F12: variants seen among roughly 807,000 people sequenced by gnomAD.
The protein encoded by F12 is Hageman factor.
In F12, 70 loss-of-function variants were observed where a neutral mutation model predicts 74.8. The ratio of observed to expected loss-of-function variants is 0.94; its 90% CI spans 0.77 to 1.14. F12 has a LOEUF of 1.14. Ranked by LOEUF, F12 falls within the 50% of genes most tolerant of loss-of-function variation. The probability of loss-of-function intolerance (pLI) is 0.00; values close to 1 mark genes in which losing one functional copy is unlikely to be tolerated. For synonymous variants in F12, 373 were observed against 356.4 expected (o/e 1.05, Z -0.52); for missense variants, 811 against 835.7 (o/e 0.97, Z 0.36).
intron 10 of F12, 39 bp from the exon 11 acceptor site, chr5:177,403,656 T>G: frequency 6.3e-7 from 1 of 1,588,884 alleles, no homozygotes; most frequent in South Asian, 1.1e-5. Flanking sequence ...CTCTCAGACC[T>G]GGCCACAAGC....
At chr5:177,403,818 G>A (rs1220023055) in intron 10 of F12, 41 bp downstream of exon 10, 3 of 1,475,142 alleles carry the variant, frequency 2.0e-6, no homozygotes, top group Non-Finnish European at 2.7e-6. Context: ...AGACGGAGGA[G>A]CCGCGGCCCC....
rs562659107 is a variant in F12, at chr5:177,407,030, C to T, written c.116-969G>A. On this transcript the variant is annotated intron_variant, in intron 2 of 13. Transcript: ENST00000253496. ...CCTCCTGCTGAAGAGCTGTGTAGTTCCTAAGCACAAGAAGGCTACCTTAGG... is the reference window on the plus strand; with the variant it reads ...CCTCCTGCTGAAGAGCTGTGTAGTTTCTAAGCACAAGAAGGCTACCTTAGG... Among the ~76,000 whole-genome samples the T allele has an allele frequency of 2.0e-5, 3 of 152,278 alleles. No homozygotes were observed. In the East Asian group the frequency reaches 5.8e-4, roughly 29 times the overall value.
intron 4 of F12, 134 bp from the exon 5 acceptor site, chr5:177,405,567 A>G: frequency 8.4e-7 from 1 of 1,190,350 alleles, no homozygotes; most frequent in Non-Finnish European, 1.2e-6. Flanking sequence ...CACCTGCAAA[A>G]TGGGACCACT....
intron 1 of F12, 95 bp from the exon 2 acceptor site, chr5:177,409,198 T>TCTCTGCATTTCTGG: frequency 7.5e-7 from 1 of 1,337,232 alleles, no homozygotes. Context: ...AGCCCAGAAA[T>TCTCTGCATTTCTGG]GCAGAGATTT....
chr5:177,409,218 A>T lies in F12; in HGVS notation c.58-115T>A. The T allele has an allele frequency of 6.7e-6, 8 of 1,189,320 alleles. No homozygotes were observed. The South Asian group carries it at 1.0e-4, about 16-fold the overall frequency. The allele number at this position is 1,189,320 out of a possible 1,614,324, so 73.7% of individuals were successfully genotyped here. A position where few individuals can be genotyped will look rare whatever the true frequency, so the allele number is the denominator to read the frequency against. On this transcript the variant is annotated intron_variant, in intron 1 of 13. Transcript: ENST00000253496. ...AGAAATGCAGAGATTTCTTCCCAAG[A>T]CCCAAACCCTTTCTACCTCCCCCCG...
rs1276865135 is a variant in F12 at position 177,402,699 on chromosome 5, CT to C, written c.1532-2del. Reference sequence around the variant, plus strand: ...AGGAAGCTGGCATATTCCTCCGCCCCTGCGAACACAGAGCGCCTTCTTCACA... The same window carrying C: ...AGGAAGCTGGCATATTCCTCCGCCCCGCGAACACAGAGCGCCTTCTTCACA... On this transcript the variant is annotated splice_acceptor_variant, in intron 12 of 13. Transcript: ENST00000253496. LOFTEE classifies it high-confidence loss of function. The C allele has an allele frequency of 6.2e-7, 1 of 1,611,492 alleles. No individual in the cohort carries two copies. The highest frequency in any genetic ancestry group is 1.1e-5 in the South Asian group (1 of 90,972).
rs1395938951 is a variant in F12, at chr5:177,402,396, C to T, written c.1744G>A (p.Gly582Ser). The T allele has an allele frequency of 3.1e-6, 5 of 1,613,458 alleles. No homozygotes were observed. The East Asian group carries it at 1.1e-4, about 36-fold the overall frequency. The stretch of plus-strand genomic sequence containing the variant: ...CAGCCCGATCCCCAGCTGATGATGC[C>T]TTGCAGGGTGAGCCGGCGCTCTGCA... Reference protein sequence around the residue: ...QAAERRLTLQGIISWGSGCGD... With the variant: ...QAAERRLTLQSIISWGSGCGD... The change falls in exon 14 of 14, where the codon GGC becomes AGC. Residue 582 changes from glycine (G) to serine (S), a missense_variant. By Grantham distance (56) the Gly-to-Ser change is moderately conservative. Coordinates refer to ENST00000253496, the MANE Select transcript of F12 (RefSeq NM_000505.4).
intron 2 of F12, among the ~76,000 whole-genome samples, chr5:177,408,095 G>C (rs949395965): frequency 6.8e-6 from 1 of 148,120 alleles, no homozygotes; most frequent in Non-Finnish European, 1.5e-5. Flanking sequence ...TTGCTGTGTT[G>C]CCCAAGCTGG....
At chr5:177,403,752 G>A (rs2127359595) in intron 10 of F12, 107 bp downstream of exon 10, 6 of 1,467,034 alleles carry the variant, frequency 4.1e-6, no homozygotes, top group Non-Finnish European at 5.5e-6. Context: ...GGAAAGAAGG[G>A]TGGGGCGGGA....
Position 177,405,742 on chromosome 5 carries a change from T to C in F12, c.279A>G (p.Lys93=), listed in dbSNP as rs775270564. 1 of 1,614,140 alleles carries C rather than the reference T, an allele frequency of 6.2e-7. No individual in the cohort carries two copies. The highest frequency in any genetic ancestry group is 8.5e-7 in the Non-Finnish European group (1 of 1,180,022). ...AGAGGCTGTGTGTAGCACCTTTCACTTTCTTGGGCTCCAAACAGTATCCCC... is the reference window on the plus strand; with the variant it reads ...AGAGGCTGTGTGTAGCACCTTTCACCTTCTTGGGCTCCAAACAGTATCCCC... ...QRWGYCLEPK[K]VKDHCSKHSP... is the part of the protein sequence containing the mutation. The change falls in exon 4 of 14, where the codon AAA becomes AAG. Residue 93 remains lysine (K), a synonymous_variant. Transcript: ENST00000253496.
Position 177,405,754 on chromosome 5 carries a change from C to T in F12, c.267G>A (p.Leu89=). The change falls in exon 4 of 14, where the codon TTG becomes TTA. Residue 89 remains leucine, a synonymous_variant. Coordinates refer to ENST00000253496, the MANE Select transcript of F12 (RefSeq NM_000505.4). ...FDQDQRWGYC[L]EPKKVKDHCS... ...TAGCACCTTTCACTTTCTTGGGCTCCAAACAGTATCCCCATCGCTGGTCCT... is the reference window on the plus strand; with the variant it reads ...TAGCACCTTTCACTTTCTTGGGCTCTAAACAGTATCCCCATCGCTGGTCCT... 2.5e-6 allele frequency: 4 copies of T among 1,614,174 alleles called. No homozygotes were observed. Among genetic ancestry groups the T allele is most frequent in the Non-Finnish European group, 3.4e-6 (4 of 1,180,014 alleles).
Position 177,404,333 on chromosome 5 carries a change from T to C in F12, c.881A>G (p.Gln294Arg), listed in dbSNP as rs1184378846. 16 of 1,610,258 alleles carry C rather than the reference T, an allele frequency of 9.9e-6. No individual in the cohort carries two copies. The highest frequency in any genetic ancestry group is 1.2e-5 in the Non-Finnish European group (14 of 1,178,766). Residue 294 changes from glutamine to arginine, a missense_variant, in exon 9 of 14, where the codon CAG (glutamine) becomes CGG (arginine). Transcript: ENST00000253496. ...RLSWEYCDLAQCQTPTQAAPP... is the reference protein window; with the variant it reads ...RLSWEYCDLARCQTPTQAAPP... ...CGCCGCCTGGGTTGGGGTCTGGCAC[T>C]GTGCCAGGTCGCAGTACTCCCAGCT...
In F12 at chr5:177,404,843, G is replaced by A; in HGVS notation, c.601C>T (p.Pro201Ser). 1 of 1,609,838 alleles carries A rather than the reference G, an allele frequency of 6.2e-7. No individual in the cohort carries two copies. The change falls in exon 7 of 14, where the codon CCG (proline) becomes TCG (serine). Residue 201 changes from proline (P) to serine (S), a missense_variant. Pro to Ser is a moderately conservative substitution (Grantham distance 74, BLOSUM62 -1). Transcript: ENST00000253496. ...EVEGHRLCHC[P>S]VGYTGAFCDV... The stretch of plus-strand genomic sequence containing the variant: ...CAGAAGGCTCCGGTGTAGCCCACCG[G>A]GCAGTGGCACAGGCGGTGGCCCTCC...
Position 177,403,980 on chromosome 5 carries a change from G to A in F12, c.1129C>T (p.Leu377=). The A allele has an allele frequency of 1.2e-6, 2 of 1,602,876 alleles. No individual in the cohort carries two copies. The highest frequency in any genetic ancestry group is 1.7e-5 in the Admixed American group (1 of 59,908). ...LSSMTRVVGG[L]VALRGAHPYI... is the part of the protein sequence containing the mutation. ...GGGTGCGCCCCGCGTAGCGCCACCA[G>A]CCCGCCAACGACGCGGGTCATCGAA... The change falls in exon 10 of 14, where the codon CTG becomes TTG. Residue 377 remains leucine (L), a synonymous_variant. Coordinates refer to ENST00000253496, the MANE Select transcript of F12 (RefSeq NM_000505.4).
In F12 at chr5:177,403,403, C is replaced by T. The variant is rs1763191998; in HGVS notation, c.1388-6G>A. 6.3e-7 allele frequency: 1 copy of T among 1,592,382 alleles called. No homozygotes were observed. The highest frequency in any genetic ancestry group is 8.5e-7 in the Non-Finnish European group (1 of 1,176,154). ...CTCCTGAAGGCGCAACAGAGCTAAC[C>T]CGGGCGGAGAGGAGCGTGAGGCGGG... On this transcript the variant is annotated splice_polypyrimidine_tract_variant and splice_region_variant and intron_variant, in intron 11 of 13. Coordinates refer to ENST00000253496, the MANE Select transcript of F12 (RefSeq NM_000505.4).
At position 177,402,580 on chromosome 5, in the gene F12, C is replaced by G; in HGVS notation, c.1650G>C (p.Gly550=). 6.2e-7 allele frequency: 1 copy of G among 1,612,912 alleles called. No homozygotes were observed. Among genetic ancestry groups the G allele is most frequent in the Non-Finnish European group, 8.5e-7 (1 of 1,179,840 alleles). Residue 550 remains glycine (G), a synonymous_variant, in exon 13 of 14, where the codon GGG becomes GGC. Transcript: ENST00000253496. ...ACGCATCGGTGCCGCCCTCGAGGAA[C>G]CCTGCGCAGAGCATGCCGGGGAGGA... The part of the protein sequence containing the change: ...SSILPGMLCA[G]FLEGGTDACQ...
chr5:177,404,646 T>A lies in F12; in HGVS notation c.653A>T (p.Tyr218Phe), dbSNP rs371503102. ...FCDVDTKASC[Y>F]DGRGLSYRGL... is the part of the protein sequence containing the mutation. ...GCGGTAGCTGAGCCCGCGGCCATCA[T>A]AGCAGCTTGCCTTGGTGTCTGAGGA... The change falls in exon 8 of 14, where the codon TAT becomes TTT. Residue 218 changes from tyrosine to phenylalanine, a missense_variant. Coordinates refer to ENST00000253496, the MANE Select transcript of F12 (RefSeq NM_000505.4). The A allele has an allele frequency of 6.2e-7, 1 of 1,606,544 alleles. No homozygotes were observed. The highest frequency in any genetic ancestry group is 8.5e-7 in the Non-Finnish European group (1 of 1,179,782).
intron 4 of F12, 83 bp from the exon 5 acceptor site, chr5:177,405,516 C>T: frequency 1.4e-6 from 2 of 1,433,052 alleles, no homozygotes; most frequent in Non-Finnish European, 1.9e-6. Context: ...ACCTACTTGC[C>T]TTGTGACCTT....
chr5:177,409,490 C>G lies in F12; in HGVS notation c.38G>C (p.Ser13Thr). The G allele has an allele frequency of 6.2e-7, 1 of 1,614,122 alleles. No individual in the cohort carries two copies. Among genetic ancestry groups the G allele is most frequent in the Non-Finnish European group, 8.5e-7 (1 of 1,180,016 alleles). ...ALLLLGFLLV[S>T]LESTLSIPPW... is the part of the protein sequence containing the mutation. ...ACTCACCGAAAGTGTTGACTCCAAG[C>G]TCACCAGCAGGAACCCCAGGAGCAG... Residue 13 changes from serine to threonine, a missense_variant, in exon 1 of 14, where the codon AGC becomes ACC. Coordinates refer to ENST00000253496, the MANE Select transcript of F12 (RefSeq NM_000505.4).
Sources: gnomAD v4.1 joint callset for allele counts (sites outside exome capture counted in the v4.1 genomes callset) on GRCh38, gnomAD v4.1.1 for gene constraint, MANE v1.5 for transcripts, NCBI Gene and HGNC (gene_info 2026-07-23, HGNC 2026-07-21) for gene names.